Variants in LDLRAD4 observed in about 807,000 individuals in gnomAD.
LDLRAD4 encodes low density lipoprotein receptor class A domain containing 4, also known as low-density lipoprotein receptor class A domain-containing protein 4.
In LDLRAD4, 5 loss-of-function variants were observed where a neutral mutation model predicts 17.0. That is an observed-to-expected ratio of 0.29 (90% CI 0.15 to 0.62). The LOEUF (loss-of-function observed/expected upper bound fraction) is 0.62, where lower values mean the gene tolerates loss of function less well. Ranked by LOEUF, LDLRAD4 falls within the 20% of genes least tolerant of loss-of-function variation. The pLI is 0.84. For missense variants in LDLRAD4, 340 were observed against 424.7 expected, an observed-to-expected ratio of 0.80 and a Z score of 1.75; for synonymous variants, 168 against 171.8, an observed-to-expected ratio of 0.98 and a Z score of 0.17.
At chr18:13,507,271 G>T (rs993895738) in intron 3 of LDLRAD4, among the ~76,000 whole-genome samples, 1 of 152,086 alleles carries the variant, frequency 6.6e-6, no homozygotes, top group African/African-American at 2.4e-5. Context: ...CCCATCACCC[G>T]AGCAGTGTAT....
chr18:13,222,159 C>G (rs1035985577), intron 1 of LDLRAD4, among the ~76,000 whole-genome samples: 1 of 152,066 alleles, frequency 6.6e-6, no homozygotes, highest in Non-Finnish European at 1.5e-5. Context: ...CTCTGTACCC[C>G]CTTCTCAACC....
chr18:13,375,134 T>G (rs1232985185), intron 1 of LDLRAD4, among the ~76,000 whole-genome samples: 1 of 152,228 alleles, frequency 6.6e-6, no homozygotes, highest in Non-Finnish European at 1.5e-5. Flanking sequence ...TGGCAGCCTC[T>G]GTGCTCACTG....
chr18:13,499,460 C>A (rs1205461086), intron 3 of LDLRAD4, among the ~76,000 whole-genome samples: 1 of 147,710 alleles, frequency 6.8e-6, no homozygotes, highest in African/African-American at 2.5e-5. Context: ...CTGGAGAATC[C>A]TTCTACTCAC....
chr18:13,359,288 A>G (rs147873971), intron 1 of LDLRAD4, among the ~76,000 whole-genome samples: 1 of 152,314 alleles, frequency 6.6e-6, no homozygotes, highest in African/African-American at 2.4e-5. Flanking sequence ...CCATGGTTGT[A>G]AGAGACCTTC....
chr18:13,445,208 C>T (rs958959284), intron 3 of LDLRAD4, among the ~76,000 whole-genome samples: 3 of 152,136 alleles, frequency 2.0e-5, no homozygotes, highest in Non-Finnish European at 2.9e-5. Flanking sequence ...TGCTTCTGGC[C>T]GGCCCTAAAG....
chr18:13,464,272 G>A (rs773468241), intron 3 of LDLRAD4, among the ~76,000 whole-genome samples: 1 of 152,190 alleles, frequency 6.6e-6, no homozygotes, highest in Non-Finnish European at 1.5e-5. Flanking sequence ...AAAATGAAAC[G>A]ATGGCTAATA....
At position 13,391,144 on chromosome 18, in the gene LDLRAD4, G is replaced by A. The variant is rs1201045608; in HGVS notation, c.40+3382G>A. On this transcript the variant is annotated intron_variant, in intron 2 of 5. Transcript: ENST00000359446. ...AGTCTTGCCTTAGATAAGACATTGA[G>A]GCATCTTCCCTAGGCTTTAAATTTT... Among the ~76,000 whole-genome samples the A allele has an allele frequency of 7.9e-5, 12 of 152,318 alleles. No homozygotes were observed. The East Asian group carries it at 2.3e-3, about 29-fold the overall frequency.
rs983565346 is a variant in LDLRAD4, at chr18:13,531,106, C to T, written c.182-90011C>T. Among the ~76,000 whole-genome samples the T allele has an allele frequency of 1.3e-5, 2 of 152,164 alleles. 1 individual carries two copies. The highest frequency in any genetic ancestry group is 4.1e-4 in the South Asian group (2 of 4,826). On this transcript the variant is annotated intron_variant, in intron 3 of 5. Coordinates refer to ENST00000359446, the Ensembl canonical transcript of LDLRAD4. ...AAAACTAGAAGTTGCTATTCCTTAA[C>T]CCTGGGGCCTGCCTTGGGCTCAGGA...
chr18:13,647,035 T>A (rs1226554088), exon 6 of LDLRAD4: 1 of 152,180 alleles, frequency 6.6e-6, no homozygotes, highest in Non-Finnish European at 1.5e-5. Context: ...CTTAAAGGAA[T>A]GCAGTGCTCA....
At chr18:13,432,544 G>A (rs1170537162) in intron 2 of LDLRAD4, among the ~76,000 whole-genome samples, 1 of 152,222 alleles carries the variant, frequency 6.6e-6, no homozygotes, top group Non-Finnish European at 1.5e-5. Context: ...CCAAGGGCCA[G>A]TGAGGTCCCA....
At chr18:13,465,486 A>C (rs983165078) in intron 3 of LDLRAD4, among the ~76,000 whole-genome samples, 15 of 152,338 alleles carry the variant, frequency 9.8e-5, no homozygotes, top group African/African-American at 3.6e-4. Flanking sequence ...TAAAGGGGAG[A>C]TGGGCATACG....
chr18:13,636,800 ATT>A (rs531665088), intron 4 of LDLRAD4, among the ~76,000 whole-genome samples: 1 of 125,042 alleles, frequency 8.0e-6, no homozygotes. Flanking sequence ...GCACCCAGCA[ATT>A]TTTTTTTTTT....
chr18:13,612,331 G>C, intron 3 of LDLRAD4: 1 of 1,098,568 alleles, frequency 9.1e-7, no homozygotes, highest in Non-Finnish European at 1.1e-6. Context: ...GTAGTGCCCT[G>C]GGTGTACAGC....
chr18:13,620,985 C>T, intron 3 of LDLRAD4, 132 bp from the exon 5 acceptor site: 1 of 1,273,320 alleles, frequency 7.9e-7, no homozygotes, highest in Non-Finnish European at 1.1e-6. Context: ...GTTTCTGTGT[C>T]CTGCTGGCCT....
In LDLRAD4 at chr18:13,637,128, G is replaced by A. The variant is rs1601851588; in HGVS notation, c.337-6231G>A. ...TTTTTTTTGTTTTGTTTTTGTTGTTGTTGTTGTTTTTTACCCCATCCACTG... is the reference window on the plus strand; with the variant it reads ...TTTTTTTTGTTTTGTTTTTGTTGTTATTGTTGTTTTTTACCCCATCCACTG... On this transcript the variant is annotated intron_variant, in intron 4 of 5. Transcript: ENST00000359446. Among the ~76,000 whole-genome samples, 8 of 151,980 alleles carry A rather than the reference G, an allele frequency of 5.3e-5. No individual in the cohort carries two copies. In the South Asian group the frequency reaches 1.7e-3, roughly 32 times the overall value.
intron 1 of LDLRAD4, among the ~76,000 whole-genome samples, chr18:13,337,570 C>T (rs1244622117): frequency 6.6e-6 from 1 of 152,036 alleles, no homozygotes; most frequent in Non-Finnish European, 1.5e-5. Context: ...ATCAGTGTTA[C>T]CCAGCAAAGA....
intron 1 of LDLRAD4, among the ~76,000 whole-genome samples, chr18:13,386,493 G>A (rs1233433483): frequency 3.3e-5 from 5 of 151,662 alleles, no homozygotes; most frequent in African/African-American, 7.3e-5. Flanking sequence ...TCAGCCTCCC[G>A]AGTAGCTGGG....
intron 1 of LDLRAD4, among the ~76,000 whole-genome samples, chr18:13,343,309 A>G (rs976973236): frequency 1.5e-5 from 2 of 131,666 alleles, no homozygotes; most frequent in Admixed American, 9.2e-5. Context: ...TTCAGTTCCC[A>G]CCTATGAGTG....
intron 1 of LDLRAD4, among the ~76,000 whole-genome samples, chr18:13,339,756 T>C (rs1012888032): frequency 6.6e-6 from 1 of 152,224 alleles, no homozygotes. Context: ...TAACCATTGT[T>C]AATGTTTTCT....
Sources: gnomAD v4.1 joint callset for allele counts (sites outside exome capture counted in the v4.1 genomes callset) on GRCh38, gnomAD v4.1.1 for gene constraint, MANE v1.5 for transcripts, NCBI Gene and HGNC (gene_info 2026-07-23, HGNC 2026-07-21) for gene names.